The following MS4A5 variants were observed in gnomAD, a reference collection of about 807,000 sequenced individuals.
MS4A5 encodes the protein membrane spanning 4-domains A5, also known as membrane-spanning 4-domains subfamily A member 5.
Under a neutral mutation model 18.2 loss-of-function variants are expected in MS4A5, and 15 were observed. That is an observed-to-expected ratio of 0.83 (90% CI 0.55 to 1.27). MS4A5 has a LOEUF of 1.27. Among genes scored for constraint, MS4A5 ranks in the 50% most tolerant of loss-of-function variants. The probability of loss-of-function intolerance (pLI) is 0.00; values close to 1 mark genes in which losing one functional copy is unlikely to be tolerated. For synonymous variants in MS4A5, 89 were observed against 78.7 expected (o/e 1.13, Z -0.69); for missense variants, 232 against 225.7 (o/e 1.03, Z -0.18).
chr11:60,430,647 A>G (rs2086043611), intron 1 of MS4A5, 149 bp from the exon 2 acceptor site: 1 of 831,976 alleles, frequency 1.2e-6, no homozygotes, highest in Non-Finnish European at 1.9e-6. Flanking sequence ...GAAAGTACCC[A>G]GGAGCATCAT....
chr11:60,443,533 A>G (rs1164173755), intron 4 of MS4A5, among the ~76,000 whole-genome samples: 1 of 152,060 alleles, frequency 6.6e-6, no homozygotes, highest in East Asian at 1.9e-4. Context: ...TAAAAAGTAA[A>G]TTATCTAAAT....
chr11:60,441,535 G>C (rs1392128306), intron 4 of MS4A5, among the ~76,000 whole-genome samples: 2 of 147,054 alleles, frequency 1.4e-5, no homozygotes, highest in Non-Finnish European at 3.0e-5. Flanking sequence ...AAAAAAAATG[G>C]GTATATCCTT....
intron 4 of MS4A5, among the ~76,000 whole-genome samples, chr11:60,443,670 G>A (rs1019450305): frequency 1.7e-4 from 26 of 151,824 alleles, no homozygotes; most frequent in East Asian, 1.2e-3. Flanking sequence ...ACAAACCATG[G>A]ATAAGATAAA....
At position 60,446,709 on chromosome 11, in the gene MS4A5, G is replaced by C. The variant is rs546589875; in HGVS notation, c.493-940G>C. On this transcript the variant is annotated intron_variant, in intron 4 of 4. Coordinates refer to ENST00000300190, the MANE Select transcript of MS4A5 (RefSeq NM_023945.3). ...GATCCTGCCATTGTACTCCAGCCTG[G>C]CTGATAAGAGTGAAACTCCGTCTCA... 8.0e-5 allele frequency among the ~76,000 whole-genome samples: 12 copies of C among 150,558 alleles called. No individual in the cohort carries two copies. The South Asian group carries it at 2.5e-3, about 32-fold the overall frequency.
At chr11:60,447,576 A>C (rs1477627215) in intron 4 of MS4A5, 73 bp from the exon 5 acceptor site, 2 of 786,306 alleles carry the variant, frequency 2.5e-6, no homozygotes, top group African/African-American at 1.8e-5. Flanking sequence ...TCACTATGTC[A>C]TTATAATCAG....
rs1451489874 is a variant in MS4A5 at position 60,430,786 on chromosome 11, C to T, written c.154-10C>T. ...CTTTTCCTCACCATGACTTTTTCCT[C>T]TATTTGCAGACTATCCAGATCCTGT... is the stretch of plus-strand genomic sequence containing the variant. On this transcript the variant is annotated splice_polypyrimidine_tract_variant and intron_variant, in intron 1 of 4. Transcript: ENST00000300190. 1 of 1,609,222 alleles carries T rather than the reference C, an allele frequency of 6.2e-7. No individual in the cohort carries two copies. The highest frequency in any genetic ancestry group is 1.7e-5 in the Admixed American group (1 of 59,124).
At chr11:60,442,018 T>A (rs2086115846) in intron 4 of MS4A5, among the ~76,000 whole-genome samples, 1 of 152,072 alleles carries the variant, frequency 6.6e-6, no homozygotes, top group Non-Finnish European at 1.5e-5. Context: ...AAAGCTAAAA[T>A]CATCATAAGA....
chr11:60,446,257 G>T (rs955588403), intron 4 of MS4A5, among the ~76,000 whole-genome samples: 2 of 152,202 alleles, frequency 1.3e-5, no homozygotes, highest in African/African-American at 2.4e-5. Flanking sequence ...TAAGGCTTCA[G>T]GAGAGGATGT....
Position 60,435,837 on chromosome 11 carries a change from C to T in MS4A5, c.492+1920C>T, listed in dbSNP as rs1007499484. Among the ~76,000 whole-genome samples the T allele has an allele frequency of 5.5e-3, 835 of 151,886 alleles. 4 individuals carry two copies. The highest frequency in any genetic ancestry group is 0.014 in the African/African-American group (584 of 41,532). On this transcript the variant is annotated intron_variant, in intron 4 of 4. Transcript: ENST00000300190. ...AGCAGTCTGAGATCAAACTGCAAGG[C>T]GGCAGCAAGGCTGGGGGAGGGGCGC...
chr11:60,438,137 C>A (rs1223408254), intron 4 of MS4A5, among the ~76,000 whole-genome samples: 2 of 152,002 alleles, frequency 1.3e-5, no homozygotes, highest in South Asian at 2.1e-4. Context: ...AACTGCTCAA[C>A]TACATGGAAA....
At chr11:60,447,229 G>GCTATGCTATGCTATCCTATA (rs1156734556) in intron 4 of MS4A5, among the ~76,000 whole-genome samples, 46 of 150,460 alleles carry the variant, frequency 3.1e-4, no homozygotes, top group African/African-American at 1.1e-3. Flanking sequence ...GCTATCCTAT[G>GCTATGCTATGCTATCCTATA]CTATGCTATG....
chr11:60,434,028 A>T, intron 4 of MS4A5, 111 bp downstream of exon 4: 1 of 938,018 alleles, frequency 1.1e-6, no homozygotes, highest in East Asian at 2.5e-5. Flanking sequence ...ATTTTCTTTT[A>T]CTGACAAACA....
intron 4 of MS4A5, among the ~76,000 whole-genome samples, chr11:60,438,693 C>T (rs1469314140): frequency 2.6e-5 from 4 of 151,750 alleles, no homozygotes; most frequent in South Asian, 4.2e-4. Context: ...ATAAATTCCT[C>T]GACACATACA....
intron 4 of MS4A5, among the ~76,000 whole-genome samples, chr11:60,442,987 A>G (rs2086121962): frequency 6.6e-6 from 1 of 152,114 alleles, no homozygotes; most frequent in Admixed American, 6.5e-5. Context: ...CTAAAAATAC[A>G]AAAATTAGCA....
In MS4A5 at chr11:60,447,762, A is replaced by G; in HGVS notation, c.*3A>G. 1 of 1,514,518 alleles carries G rather than the reference A, an allele frequency of 6.6e-7. No individual in the cohort carries two copies. Among genetic ancestry groups the G allele is most frequent in the Non-Finnish European group, 9.1e-7 (1 of 1,104,168 alleles). The allele number at this position is 1,514,518 out of a possible 1,614,324, so 93.8% of individuals were successfully genotyped here. On this transcript the variant is annotated 3_prime_UTR_variant, in exon 5 of 5. Transcript: ENST00000300190. Reference sequence around the variant, plus strand: ...GTGATTGTGAACAATGTTGTTGACTAGCACTGTGAGAATAAAGATGTGTTA... The same window carrying G: ...GTGATTGTGAACAATGTTGTTGACTGGCACTGTGAGAATAAAGATGTGTTA...
At chr11:60,447,541 TG>T (rs2135182676) in intron 4 of MS4A5, 107 bp from the exon 5 acceptor site, 2 of 630,454 alleles carry the variant, frequency 3.2e-6, no homozygotes, top group African/African-American at 3.7e-5. Flanking sequence ...TTGAGATATT[TG>T]GGGAAGCTTT....
At chr11:60,432,973 T>C (rs1530354) in intron 3 of MS4A5, among the ~76,000 whole-genome samples, 94,368 of 151,932 alleles carry the variant, frequency 0.62, 29,576 homozygotes, top group East Asian at 0.73. Flanking sequence ...CCCATTATGC[T>C]AGAGGAGAAA....
intron 4 of MS4A5, among the ~76,000 whole-genome samples, chr11:60,436,990 A>G: frequency 7.4e-6 from 1 of 135,386 alleles, no homozygotes. Context: ...CAAAGTGGAA[A>G]TGAAGGAAAA....
intron 4 of MS4A5, among the ~76,000 whole-genome samples, chr11:60,434,475 A>C (rs141798743): frequency 2.0e-5 from 3 of 152,340 alleles, no homozygotes; most frequent in African/African-American, 7.2e-5. Context: ...AGCAGGGGGA[A>C]GTCATATTAG....
Sources: allele counts gnomAD v4.1 joint callset (sites outside exome capture counted in the v4.1 genomes callset), GRCh38; gene constraint gnomAD v4.1.1; transcripts MANE v1.5; gene names NCBI Gene and HGNC (gene_info 2026-07-23, HGNC 2026-07-21).